The following PPARGC1B variants were observed in gnomAD, a reference collection of about 807,000 sequenced individuals.
PPARGC1B encodes the protein peroxisome proliferator-activated receptor gamma coactivator 1-beta.
A neutral mutation model predicts 101.6 loss-of-function variants in PPARGC1B; 34 were observed. The ratio of observed to expected loss-of-function variants is 0.33; its 90% confidence interval spans 0.25 to 0.45. The LOEUF is 0.45. Ranked by LOEUF, PPARGC1B falls within the 20% of genes least tolerant of loss-of-function variation. PPARGC1B has a pLI of 1.00. For missense variants in PPARGC1B, 1,234 were observed against 1,317.6 expected (o/e 0.94, Z 0.98); for synonymous variants, 548 against 539.3 (o/e 1.02, Z -0.22).
intron 1 of PPARGC1B, chr5:149,771,987 C>T: frequency 1.4e-6 from 2 of 1,429,560 alleles, no homozygotes; most frequent in African/African-American, 1.4e-5. Context: ...TTGCTGTTAT[C>T]CCAGACTTAC....
intron 1 of PPARGC1B, among the ~76,000 whole-genome samples, chr5:149,785,046 C>G (rs1756750252): frequency 6.6e-6 from 1 of 152,194 alleles, no homozygotes; most frequent in Non-Finnish European, 1.5e-5. Context: ...TATATACTCT[C>G]TCAGGGTGAC....
chr5:149,772,840 G>A (rs775056739), intron 1 of PPARGC1B, among the ~76,000 whole-genome samples: 9 of 152,160 alleles, frequency 5.9e-5, no homozygotes, highest in Admixed American at 2.0e-4. Context: ...CTGGGTGGCG[G>A]TGGTGGTGAT....
At chr5:149,834,295 G>A (rs1473284776) in intron 5 of PPARGC1B, among the ~76,000 whole-genome samples, 7 of 152,200 alleles carry the variant, frequency 4.6e-5, no homozygotes, top group African/African-American at 9.7e-5. Flanking sequence ...GACTGTCATC[G>A]TCTCCATTTT....
chr5:149,738,200 C>A (rs1250371632), intron 1 of PPARGC1B, among the ~76,000 whole-genome samples: 1 of 151,846 alleles, frequency 6.6e-6, no homozygotes, highest in Non-Finnish European at 1.5e-5. Flanking sequence ...TTGTTTTTCA[C>A]CATAATGAAT....
chr5:149,846,042 GC>G, intron 11 of PPARGC1B, 128 bp downstream of exon 11: 1 of 1,129,254 alleles, frequency 8.9e-7, no homozygotes, highest in Non-Finnish European at 1.3e-6. Flanking sequence ...CCAGTGTGCT[GC>G]TTGGTATAAC....
chr5:149,787,580 G>GT (rs762906270), intron 1 of PPARGC1B, among the ~76,000 whole-genome samples: 25 of 152,358 alleles, frequency 1.6e-4, no homozygotes, highest in South Asian at 6.2e-4. Context: ...ATACAATTTG[G>GT]TAGTCACAAA....
At chr5:149,800,251 C>G (rs1757387644) in intron 1 of PPARGC1B, among the ~76,000 whole-genome samples, 1 of 152,080 alleles carries the variant, frequency 6.6e-6, no homozygotes, top group Non-Finnish European at 1.5e-5. Context: ...CGTTAACATC[C>G]CCTTCCACCT....
At chr5:149,747,272 A>G (rs1357105538) in intron 1 of PPARGC1B, among the ~76,000 whole-genome samples, 2 of 152,184 alleles carry the variant, frequency 1.3e-5, no homozygotes, top group Admixed American at 1.3e-4. Flanking sequence ...GTTAATGTTT[A>G]TATATGGTGT....
intron 1 of PPARGC1B, among the ~76,000 whole-genome samples, chr5:149,784,067 C>T (rs1213565923): frequency 6.6e-6 from 1 of 152,070 alleles, no homozygotes; most frequent in East Asian, 1.9e-4. Context: ...AGGCACCTCA[C>T]ACTCAGTGTG....
intron 1 of PPARGC1B, among the ~76,000 whole-genome samples, chr5:149,743,183 T>C (rs1376217053): frequency 6.6e-6 from 1 of 150,620 alleles, no homozygotes; most frequent in Non-Finnish European, 1.5e-5. Context: ...TGAGACAGAT[T>C]CTCGCTCTGT....
At chr5:149,754,182 C>T (rs530096693) in intron 1 of PPARGC1B, among the ~76,000 whole-genome samples, 9 of 152,304 alleles carry the variant, frequency 5.9e-5, no homozygotes, top group South Asian at 2.1e-4. Flanking sequence ...TAGTCCTTTT[C>T]GGATGGTTAA....
intron 1 of PPARGC1B, among the ~76,000 whole-genome samples, chr5:149,749,766 C>A (rs188605751): frequency 1.8e-4 from 27 of 152,296 alleles, no homozygotes; most frequent in African/African-American, 6.5e-4. Flanking sequence ...GTCTCGCCCC[C>A]TCTCTGGCCC....
At chr5:149,743,382 G>A (rs1190099788) in intron 1 of PPARGC1B, among the ~76,000 whole-genome samples, 2 of 151,882 alleles carry the variant, frequency 1.3e-5, no homozygotes, top group African/African-American at 2.4e-5. Context: ...TCTCGAACTC[G>A]TGACCTCAGG....
At chr5:149,760,152 C>A (rs1043094715) in intron 1 of PPARGC1B, among the ~76,000 whole-genome samples, 1 of 152,234 alleles carries the variant, frequency 6.6e-6, no homozygotes, top group East Asian at 1.9e-4. Context: ...GTACTCAGCA[C>A]CATGGACACG....
At chr5:149,786,452 G>A (rs575058007) in intron 1 of PPARGC1B, among the ~76,000 whole-genome samples, 1 of 152,300 alleles carries the variant, frequency 6.6e-6, no homozygotes, top group African/African-American at 2.4e-5. Context: ...GCCCAGGCTG[G>A]TCTCAAACTT....
intron 10 of PPARGC1B, among the ~76,000 whole-genome samples, chr5:149,844,673 G>T (rs1023017150): frequency 6.6e-6 from 1 of 152,188 alleles, no homozygotes; most frequent in Non-Finnish European, 1.5e-5. Context: ...AGGCAGAAGG[G>T]TTCAAACTTG....
intron 1 of PPARGC1B, among the ~76,000 whole-genome samples, chr5:149,801,683 C>G (rs1757434681): frequency 6.6e-6 from 1 of 152,152 alleles, no homozygotes; most frequent in African/African-American, 2.4e-5. Context: ...GCTGTGGCTG[C>G]TCTGTGTCTA....
At position 149,832,398 on chromosome 5, in the gene PPARGC1B, T is replaced by C. The variant is rs916672469; in HGVS notation, c.583-258T>C. On this transcript the variant is annotated intron_variant, in intron 4 of 11. Coordinates refer to ENST00000309241, the MANE Select transcript of PPARGC1B (RefSeq NM_133263.4). The surrounding 1 kb of genome is among the most constrained non-coding windows in gnomAD (Gnocchi z 4.9). Reference sequence around the variant, plus strand: ...AATGGTCAGAGTGGGGCTTTGTCAGTGAATCTGGAAGGGTCTGCAGGGGCG... The same window carrying C: ...AATGGTCAGAGTGGGGCTTTGTCAGCGAATCTGGAAGGGTCTGCAGGGGCG... Among the ~76,000 whole-genome samples the C allele has an allele frequency of 2.0e-5, 3 of 152,014 alleles. No homozygotes were observed. The highest frequency in any genetic ancestry group is 4.4e-5 in the Non-Finnish European group (3 of 67,998).
At chr5:149,846,117 C>T (rs1210435509) in intron 11 of PPARGC1B, 3 of 635,456 alleles carry the variant, frequency 4.7e-6, no homozygotes, top group Non-Finnish European at 8.5e-6. Context: ...TCCACCTTAT[C>T]CTGTCCTGTG....
Sources: gnomAD v4.1 joint callset for allele counts (sites outside exome capture counted in the v4.1 genomes callset) on GRCh38, gnomAD v4.1.1 for gene constraint, Gnocchi (gnomAD v3.1) non-coding constraint, MANE v1.5 for transcripts, NCBI Gene and HGNC (gene_info 2026-07-23, HGNC 2026-07-21) for gene names.